Variants in KL observed in about 807,000 individuals in gnomAD.
KL encodes alpha-klotho.
Under a neutral mutation model 84.2 loss-of-function variants are expected in KL, and 62 were observed. The ratio of observed to expected loss-of-function variants is 0.74; its 90% CI spans 0.60 to 0.91. KL has a LOEUF of 0.91. Ranked by LOEUF, KL falls within the 40% of genes least tolerant of loss-of-function variation. The probability of loss-of-function intolerance (pLI) is 0.00; values close to 1 mark genes in which losing one functional copy is unlikely to be tolerated. For synonymous variants in KL, 528 were observed against 528.0 expected (o/e 1.00, Z 0.00); for missense variants, 1,261 against 1,305.7 (o/e 0.97, Z 0.53).
chr13:33,027,155 G>A (rs1870808332), intron 1 of KL, among the ~76,000 whole-genome samples: 1 of 152,160 alleles, frequency 6.6e-6, no homozygotes. Flanking sequence ...CTCAGGATTT[G>A]CAGTGCATGC....
chr13:33,050,867 T>C (rs1871715997), intron 1 of KL, among the ~76,000 whole-genome samples: 1 of 152,252 alleles, frequency 6.6e-6, no homozygotes, highest in Admixed American at 6.5e-5. Context: ...ATCCTCACAG[T>C]GTCCCTACGG....
At chr13:33,051,092 AG>A (rs1222338701) in intron 1 of KL, among the ~76,000 whole-genome samples, 6 of 152,284 alleles carry the variant, frequency 3.9e-5, no homozygotes, top group African/African-American at 1.4e-4. Context: ...CTCTAGAGAG[AG>A]AAGGGATACG....
chr13:33,016,479 G>A lies in KL; in HGVS notation c.39G>A (p.Pro13=). Residue 13 remains proline, a synonymous_variant, in exon 1 of 5, where the codon CCG becomes CCA. Coordinates refer to ENST00000380099, the MANE Select transcript of KL (RefSeq NM_004795.4). ...CCCCGCCGCGCCGCCCGCGGCCGCC[G>A]CCGCCGTCGCTGTCGCTGCTGCTGG... ...ASAPPRRPRP[P]PPSLSLLLVL... is the part of the protein sequence containing the mutation. The A allele has an allele frequency of 8.9e-7, 1 of 1,119,360 alleles. No individual in the cohort carries two copies. The highest frequency in any genetic ancestry group is 4.7e-5 in the East Asian group (1 of 21,394). 69.3% of individuals were successfully genotyped at this position (1,119,360 alleles called of 1,614,324 possible).
chr13:33,061,682 T>G lies in KL; in HGVS notation c.2603T>G (p.Met868Arg). 6.2e-7 allele frequency: 1 copy of G among 1,614,090 alleles called. No individual in the cohort carries two copies. Among genetic ancestry groups the G allele is most frequent in the Non-Finnish European group, 8.5e-7 (1 of 1,179,972 alleles). Residue 868 changes from methionine to arginine, a missense_variant, in exon 4 of 5, where the codon ATG becomes AGG. Transcript: ENST00000380099. Reference sequence around the variant, plus strand: ...AAGTTCAAGTACGGAGACCTCCCCATGTACATAATATCCAATGGAATCGAT... The same window carrying G: ...AAGTTCAAGTACGGAGACCTCCCCAGGTACATAATATCCAATGGAATCGAT... Reference protein sequence around the residue: ...WLKFKYGDLPMYIISNGIDDG... With the variant: ...WLKFKYGDLPRYIISNGIDDG...
At chr13:33,061,814 G>C (rs577046910) in intron 4 of KL, 34 bp downstream of exon 4, 72 of 1,605,448 alleles carry the variant, frequency 4.5e-5, no homozygotes, top group South Asian at 4.1e-4. Context: ...TCTCCTGAAG[G>C]TTATGTCACC....
At chr13:33,062,851 G>A (rs1012094514) in intron 4 of KL, among the ~76,000 whole-genome samples, 5 of 152,184 alleles carry the variant, frequency 3.3e-5, no homozygotes, top group Middle Eastern at 3.4e-3. Context: ...AAGCGAGGGG[G>A]TGGGAGAATA....
chr13:33,036,339 A>G (rs1344915440), intron 1 of KL, among the ~76,000 whole-genome samples: 1 of 151,610 alleles, frequency 6.6e-6, no homozygotes, highest in East Asian at 1.9e-4. Context: ...CACTAAACAC[A>G]TGCACACACA....
intron 3 of KL, 112 bp from the exon 4 acceptor site, chr13:33,060,567 G>C: frequency 1.7e-6 from 2 of 1,194,886 alleles, no homozygotes; most frequent in Non-Finnish European, 2.5e-6. Context: ...TTCTCAGCTA[G>C]AAAGGCTTCT....
At chr13:33,028,603 C>T (rs150514947) in intron 1 of KL, among the ~76,000 whole-genome samples, 1 of 152,174 alleles carries the variant, frequency 6.6e-6, no homozygotes, top group Non-Finnish European at 1.5e-5. Context: ...AGTGTGTCCC[C>T]CCAAAATATT....
chr13:33,036,685 G>T (rs1161333924), intron 1 of KL, among the ~76,000 whole-genome samples: 1 of 151,898 alleles, frequency 6.6e-6, no homozygotes, highest in Non-Finnish European at 1.5e-5. Context: ...AGTGGATAAT[G>T]GTAAAAATTT....
intron 1 of KL, among the ~76,000 whole-genome samples, chr13:33,026,767 T>C (rs974050000): frequency 1.3e-5 from 2 of 152,310 alleles, no homozygotes; most frequent in Admixed American, 1.3e-4. Context: ...CTCAGTGAGA[T>C]TGGCACCCCC....
chr13:33,064,420 G>A lies in KL; in HGVS notation c.*234G>A. 2 of 416,464 alleles carry A rather than the reference G, an allele frequency of 4.8e-6. No homozygotes were observed. The highest frequency in any genetic ancestry group is 8.6e-6 in the Non-Finnish European group (2 of 231,920). The allele number at this position is 416,464 out of a possible 1,614,324, so 25.8% of individuals were successfully genotyped here. A position where few individuals can be genotyped will look rare whatever the true frequency, so the allele number is the denominator to read the frequency against. ...TTTTTGGGTGATTAAAAAACTGACA[G>A]GCACTATAATTTCTGTAACACACTA... On this transcript the variant is annotated 3_prime_UTR_variant, in exon 5 of 5. Coordinates refer to ENST00000380099, the MANE Select transcript of KL (RefSeq NM_004795.4).
chr13:33,016,461 G>A lies in KL; in HGVS notation c.21G>A (p.Pro7=). 1 of 992,896 alleles carries A rather than the reference G, an allele frequency of 1.0e-6. No homozygotes were observed. Among genetic ancestry groups the A allele is most frequent in the Non-Finnish European group, 1.2e-6 (1 of 838,438 alleles). The allele number at this position is 992,896 out of a possible 1,614,324, so 61.5% of individuals were successfully genotyped here. The stretch of plus-strand genomic sequence containing the variant: ...GCAGCATGCCCGCCAGCGCCCCGCC[G>A]CGCCGCCCGCGGCCGCCGCCGCCGT... MPASAP[P]RRPRPPPPSL... Residue 7 remains proline, a synonymous_variant, in exon 1 of 5, where the codon CCG becomes CCA. Coordinates refer to ENST00000380099, the MANE Select transcript of KL (RefSeq NM_004795.4).
chr13:33,060,841 A>T lies in KL; in HGVS notation c.1762A>T (p.Met588Leu). The T allele has an allele frequency of 6.2e-7, 1 of 1,614,206 alleles. No homozygotes were observed. The highest frequency in any genetic ancestry group is 8.5e-7 in the Non-Finnish European group (1 of 1,180,018). The change falls in exon 4 of 5, where the codon ATG becomes TTG. Residue 588 changes from methionine to leucine, a missense_variant. By Grantham distance (15) the Met-to-Leu change is conservative. Transcript: ENST00000380099. The part of the protein sequence containing the change: ...IQPQIALLQE[M>L]HVTHFRFSLD... The stretch of plus-strand genomic sequence containing the variant: ...GCCCCAGATCGCTTTACTCCAGGAA[A>T]TGCACGTTACACATTTTCGCTTCTC...
At chr13:33,057,527 A>T (rs984880911) in intron 3 of KL, among the ~76,000 whole-genome samples, 13 of 152,166 alleles carry the variant, frequency 8.5e-5, no homozygotes, top group African/African-American at 3.1e-4. Flanking sequence ...AAGGTCAGCC[A>T]CTAATTGGCC....
chr13:33,043,395 T>C (rs1314339940), intron 1 of KL, among the ~76,000 whole-genome samples: 2 of 152,068 alleles, frequency 1.3e-5, no homozygotes, highest in African/African-American at 4.8e-5. Flanking sequence ...AATTTTTGTA[T>C]TTTTAGTAGA....
intron 1 of KL, among the ~76,000 whole-genome samples, chr13:33,030,006 G>A (rs1870919058): frequency 1.3e-5 from 2 of 151,928 alleles, no homozygotes; most frequent in Admixed American, 6.5e-5. Context: ...GCAAGTCTCT[G>A]GCATCTGGTG....
chr13:33,052,195 G>A (rs1303645213), intron 1 of KL, among the ~76,000 whole-genome samples: 1 of 152,156 alleles, frequency 6.6e-6, no homozygotes, highest in Non-Finnish European at 1.5e-5. Flanking sequence ...GGTATCAAGG[G>A]ATTCTCCCAA....
intron 1 of KL, among the ~76,000 whole-genome samples, chr13:33,032,452 C>T (rs1871005875): frequency 6.6e-6 from 1 of 152,192 alleles, no homozygotes; most frequent in Non-Finnish European, 1.5e-5. Context: ...TTGAGCCTGG[C>T]TGTGGACCAG....
Sources: allele counts gnomAD v4.1 joint callset (sites outside exome capture counted in the v4.1 genomes callset), GRCh38; gene constraint gnomAD v4.1.1; transcripts MANE v1.5; gene names NCBI Gene and HGNC (gene_info 2026-07-23, HGNC 2026-07-21).